The following LYZL1 variants were observed in gnomAD, a reference collection of about 807,000 sequenced individuals.
The protein encoded by LYZL1 is lysozyme like 1, also known as lysozyme-like protein 1.
Under a neutral mutation model 17.9 loss-of-function variants are expected in LYZL1, and 16 were observed. The ratio of observed to expected loss-of-function variants is 0.90; its 90% CI spans 0.61 to 1.36. The LOEUF (loss-of-function observed/expected upper bound fraction) is 1.36. Ranked by LOEUF, LYZL1 falls within the 40% of genes most tolerant of loss-of-function variation. The probability of loss-of-function intolerance (pLI) is 0.00; values close to 1 mark genes in which losing one functional copy is unlikely to be tolerated. For synonymous variants in LYZL1, 58 were observed against 71.8 expected (o/e 0.81, Z 0.97); for missense variants, 149 against 188.4 (o/e 0.79, Z 1.22).
chr10:29,306,173 T>C (rs10826605), intron 3 of LYZL1, among the ~76,000 whole-genome samples: 54,107 of 151,926 alleles, frequency 0.36, 10,205 homozygotes, highest in African/African-American at 0.49. Context: ...TCCGTGATGA[T>C]GAAAATGTCT....
rs370861905 is a variant in LYZL1 at position 29,292,664 on chromosome 10, T to C, written c.285T>C (p.His95=). The C allele has an allele frequency of 1.2e-4, 194 of 1,613,688 alleles. 1 individual carries two copies. The highest frequency in any genetic ancestry group is 1.2e-3 in the Admixed American group (72 of 59,992). Residue 95 remains histidine (H), a synonymous_variant, in exon 3 of 5, where the codon CAT becomes CAC. Transcript: ENST00000649382. The stretch of plus-strand genomic sequence containing the variant: ...AGCTGAAGGAGAACAACCACTGCCA[T>C]GTCGCCTGCTCAGGTGAGGCTCTGA... The part of the protein sequence containing the change: ...RGKLKENNHC[H]VACSALITDD...
At chr10:29,289,309 A>G (rs926955952) in intron 1 of LYZL1, 79 bp downstream of exon 1, 20 of 1,113,922 alleles carry the variant, frequency 1.8e-5, no homozygotes, top group Non-Finnish European at 2.3e-5. Context: ...TGGGGTTATC[A>G]TTGCTGCGGG....
rs370177433 is a variant in LYZL1 at position 29,303,735 on chromosome 10, C to G, written c.299-6375C>G. On this transcript the variant is annotated intron_variant, in intron 3 of 4. Coordinates refer to ENST00000649382, the MANE Select transcript of LYZL1 (RefSeq NM_032517.6). ...AGATGTTGGTTTTATAACTAACCAC[C>G]CTCCATGAAAGGCCTCCCTTAGCCT... is the stretch of plus-strand genomic sequence containing the variant. Among the ~76,000 whole-genome samples the G allele has an allele frequency of 1.2e-3, 184 of 152,192 alleles. 4 individuals are homozygous for G. The South Asian group carries it at 0.038, about 31-fold the overall frequency.
Position 29,310,894 on chromosome 10 carries a change from G to A in LYZL1, c.378-96G>A. On this transcript the variant is annotated intron_variant, in intron 4 of 4. Coordinates refer to ENST00000649382, the MANE Select transcript of LYZL1 (RefSeq NM_032517.6). ...CAAATGAAACCCAACCCAGGGTTCC[G>A]CTGGCGATTTTGGTTAATTTCTGTA... 12 of 1,589,880 alleles carry A rather than the reference G, an allele frequency of 7.5e-6. No homozygotes were observed. The Admixed American group carries it at 1.4e-4, about 18-fold the overall frequency.
chr10:29,314,629 A>C (rs1050096112), downstream of LYZL1, among the ~76,000 whole-genome samples: 2 of 152,122 alleles, frequency 1.3e-5, no homozygotes, highest in Non-Finnish European at 2.9e-5. Context: ...AAAATTAATT[A>C]AAAAATTTGA....
chr10:29,291,454 A>G (rs1835363881), intron 1 of LYZL1, among the ~76,000 whole-genome samples: 1 of 151,748 alleles, frequency 6.6e-6, no homozygotes, highest in African/African-American at 2.4e-5. Flanking sequence ...GGACCCACGC[A>G]GTTCAAACCC....
chr10:29,294,557 A>G (rs1461795474), intron 3 of LYZL1, among the ~76,000 whole-genome samples: 1 of 152,222 alleles, frequency 6.6e-6, no homozygotes, highest in Non-Finnish European at 1.5e-5. Flanking sequence ...GTTCTGTTTC[A>G]TTCACTGATG....
At chr10:29,315,296 GGTCAGGA>G (rs1352954487), downstream of LYZL1, among the ~76,000 whole-genome samples, 4 of 152,054 alleles carry the variant, frequency 2.6e-5, no homozygotes, top group Non-Finnish European at 5.9e-5. Context: ...GATCACCTGA[GGTCAGGA>G]GTTCGAGACC....
downstream of LYZL1, among the ~76,000 whole-genome samples, chr10:29,313,771 C>T (rs557239643): frequency 6.6e-6 from 1 of 152,336 alleles, no homozygotes; most frequent in African/African-American, 2.4e-5. Context: ...GAAAAACCCA[C>T]ACTCATATTC....
At chr10:29,310,064 C>T in intron 3 of LYZL1, 46 bp from the exon 4 acceptor site, 2 of 1,416,120 alleles carry the variant, frequency 1.4e-6, no homozygotes, top group South Asian at 2.5e-5. Flanking sequence ...GGTCCCTCTC[C>T]AACAACAAAG....
At chr10:29,293,151 G>C (rs891094391) in intron 3 of LYZL1, among the ~76,000 whole-genome samples, 1 of 13,144 alleles carries the variant, frequency 7.6e-5, no homozygotes, top group East Asian at 1.8e-3. Context: ...TTTTTTTTTT[G>C]AGACAGGGTC....
intron 3 of LYZL1, among the ~76,000 whole-genome samples, chr10:29,316,457 A>G (rs1439390425): frequency 6.6e-6 from 1 of 152,144 alleles, no homozygotes; most frequent in Non-Finnish European, 1.5e-5. Context: ...TCTTTACACC[A>G]GGCTGCAGTT....
downstream of LYZL1, among the ~76,000 whole-genome samples, chr10:29,311,823 C>G (rs550015417): frequency 1.3e-5 from 2 of 151,934 alleles, no homozygotes; most frequent in Non-Finnish European, 2.9e-5. Context: ...ACTAAAAATA[C>G]AAAAATTAGC....
At position 29,311,185 on chromosome 10, in the gene LYZL1, A is replaced by G; in HGVS notation, c.*126A>G. 1 of 1,597,184 alleles carries G rather than the reference A, an allele frequency of 6.3e-7. No homozygotes were observed. Reference sequence around the variant, plus strand: ...TCTCAAACTTGGAGAGGGAAAATTAAGCTATACTTTTAAGAAAATAAATAT... The same window carrying G: ...TCTCAAACTTGGAGAGGGAAAATTAGGCTATACTTTTAAGAAAATAAATAT... On this transcript the variant is annotated 3_prime_UTR_variant, in exon 5 of 5. Coordinates refer to ENST00000649382, the MANE Select transcript of LYZL1 (RefSeq NM_032517.6).
chr10:29,295,622 G>A (rs1437953229), intron 3 of LYZL1, among the ~76,000 whole-genome samples: 1 of 152,206 alleles, frequency 6.6e-6, no homozygotes, highest in Non-Finnish European at 1.5e-5. Flanking sequence ...TTGCAGATGT[G>A]AGGAAGGATC....
downstream of LYZL1, among the ~76,000 whole-genome samples, chr10:29,314,750 T>G (rs1835709412): frequency 6.6e-6 from 1 of 152,220 alleles, no homozygotes; most frequent in South Asian, 2.1e-4. Context: ...TATTATTTCA[T>G]ACGCTCCTCA....
At chr10:29,305,105 T>C (rs1835573275) in intron 3 of LYZL1, among the ~76,000 whole-genome samples, 1 of 152,034 alleles carries the variant, frequency 6.6e-6, no homozygotes, top group Non-Finnish European at 1.5e-5. Flanking sequence ...ATAATCTGTG[T>C]CCCTCCAACC....
Position 29,292,599 on chromosome 10 carries a change from A to T in LYZL1, c.220A>T (p.Ile74Phe), listed in dbSNP as rs1189256349. 1.2e-6 allele frequency: 2 copies of T among 1,614,026 alleles called. No individual in the cohort carries two copies. The highest frequency in any genetic ancestry group is 1.7e-6 in the Non-Finnish European group (2 of 1,179,976). ...GGATGACGGCAGCATCGACTATGGC[A>T]TCTTCCAGATCAACAGCTTCGCGTG... is the stretch of plus-strand genomic sequence containing the variant. The part of the protein sequence containing the change: ...VLDDGSIDYG[I>F]FQINSFAWCR... The change falls in exon 3 of 5, where the codon ATC (isoleucine) becomes TTC (phenylalanine). Residue 74 changes from isoleucine to phenylalanine, a missense_variant. Coordinates refer to ENST00000649382, the MANE Select transcript of LYZL1 (RefSeq NM_032517.6).
At chr10:29,299,036 C>T (rs79440146) in intron 3 of LYZL1, among the ~76,000 whole-genome samples, 10,937 of 152,210 alleles carry the variant, frequency 0.072, 428 homozygotes, top group South Asian at 0.15. Flanking sequence ...TGGAAGACAG[C>T]GGTAGATCAT....
Sources: allele counts gnomAD v4.1 joint callset (sites outside exome capture counted in the v4.1 genomes callset), GRCh38; gene constraint gnomAD v4.1.1; transcripts MANE v1.5; gene names NCBI Gene and HGNC (gene_info 2026-07-23, HGNC 2026-07-21).